LHFPL5: variants seen among roughly 807,000 people sequenced by gnomAD.
LHFPL5 encodes LHFPL tetraspan subfamily member 5 protein.
In LHFPL5, 12 loss-of-function variants were observed where a neutral mutation model predicts 18.7. That is an observed-to-expected ratio of 0.64 (90% confidence interval 0.41 to 1.04). LHFPL5 has a LOEUF of 1.04. Ranked by LOEUF, LHFPL5 falls within the 50% of genes least tolerant of loss-of-function variation. LHFPL5 has a pLI of 0.00. For missense variants in LHFPL5, 259 were observed against 292.1 expected, an observed-to-expected ratio of 0.89 and a Z score of 0.83; for synonymous variants, 111 against 120.2, an observed-to-expected ratio of 0.92 and a Z score of 0.50.
At chr6:35,818,351 A>ATATATATATT (rs1768805129) in intron 2 of LHFPL5, among the ~76,000 whole-genome samples, 1 of 106,926 alleles carries the variant, frequency 9.4e-6, no homozygotes, top group African/African-American at 3.8e-5. Context: ...ATATATATGT[A>ATATATATATT]TTTTTTTTTT....
chr6:35,807,495 G>A (rs1364982152), intron 1 of LHFPL5, among the ~76,000 whole-genome samples: 2 of 152,096 alleles, frequency 1.3e-5, no homozygotes, highest in African/African-American at 4.8e-5. Flanking sequence ...GCCACAAACT[G>A]TCCATGTCGG....
chr6:35,816,345 CA>C (rs761580974), intron 2 of LHFPL5, among the ~76,000 whole-genome samples: 132 of 77,624 alleles, frequency 1.7e-3, no homozygotes, highest in South Asian at 4.1e-3. Flanking sequence ...GACTCCGTCT[CA>C]AAAAAAAAAA....
chr6:35,821,162 G>T (rs1351090654), intron 3 of LHFPL5, among the ~76,000 whole-genome samples: 1 of 152,028 alleles, frequency 6.6e-6, no homozygotes. Context: ...AAATTAGCTG[G>T]GTGTGGTGGC....
In LHFPL5 at chr6:35,820,453, C is replaced by G. The variant is rs568848937; in HGVS notation, c.*16+990C>G. ...CGGTGACTCACGCCTGTAATCCCAG[C>G]ACTTTGGGAGGCTGAGGTGGGCGGA... On this transcript the variant is annotated intron_variant, in intron 3 of 3. Coordinates refer to ENST00000360215, the MANE Select transcript of LHFPL5 (RefSeq NM_182548.4). 2.6e-5 allele frequency among the ~76,000 whole-genome samples: 4 copies of G among 152,118 alleles called. No homozygotes were observed. In the East Asian group the frequency reaches 7.7e-4, roughly 29 times the overall value.
At chr6:35,818,135 G>A (rs1206643092) in intron 2 of LHFPL5, among the ~76,000 whole-genome samples, 13 of 152,014 alleles carry the variant, frequency 8.6e-5, no homozygotes, top group African/African-American at 3.1e-4. Flanking sequence ...GTATATCTGT[G>A]ATTCAATTTC....
intron 1 of LHFPL5, among the ~76,000 whole-genome samples, chr6:35,809,887 C>T (rs545487593): frequency 1.3e-4 from 20 of 152,344 alleles, no homozygotes; most frequent in Non-Finnish European, 2.6e-4. Context: ...ACAAGCTGGG[C>T]TTGAAATCCA....
chr6:35,806,557 T>C (rs1768571835), intron 1 of LHFPL5, among the ~76,000 whole-genome samples: 1 of 152,156 alleles, frequency 6.6e-6, no homozygotes, highest in African/African-American at 2.4e-5. Flanking sequence ...TGGGCTTTTG[T>C]TCTTTTTAAG....
chr6:35,805,939 C>G lies in LHFPL5; in HGVS notation c.269C>G (p.Pro90Arg). Residue 90 changes from proline to arginine, a missense_variant, in exon 1 of 4, where the codon CCC becomes CGC. By Grantham distance (103) the Pro-to-Arg change is moderately radical. Coordinates refer to ENST00000360215, the MANE Select transcript of LHFPL5 (RefSeq NM_182548.4). The surrounding 1 kb of genome is among the most constrained non-coding windows in gnomAD (Gnocchi z 4.3). ...GGCCCCCTAGACTTCTCCTCCATCC[C>G]CTCTAGAGCCTTCAAGACTGCCATG... is the stretch of plus-strand genomic sequence containing the variant. ...KGGPLDFSSI[P>R]SRAFKTAMFF... 8 of 1,614,254 alleles carry G rather than the reference C, an allele frequency of 5.0e-6. No homozygotes were observed. Among genetic ancestry groups the G allele is most frequent in the Non-Finnish European group, 5.9e-6 (7 of 1,180,050 alleles).
At chr6:35,816,392 A>G (rs1393352743) in intron 2 of LHFPL5, among the ~76,000 whole-genome samples, 1 of 151,810 alleles carries the variant, frequency 6.6e-6, no homozygotes, top group Non-Finnish European at 1.5e-5. Flanking sequence ...ACAAATTACT[A>G]GAAAGAGCTG....
At chr6:35,817,307 C>T (rs529737922) in intron 2 of LHFPL5, among the ~76,000 whole-genome samples, 204 of 150,864 alleles carry the variant, frequency 1.4e-3, no homozygotes, top group African/African-American at 3.7e-3. Context: ...GGCAACAGAG[C>T]GAGACTCAAT....
At position 35,805,372 on chromosome 6, in the gene LHFPL5, A is replaced by C; in HGVS notation, c.-299A>C. Reference sequence around the variant, plus strand: ...GGGCTCTCGGGAGCCGTGAGCCGGGAAGAGGGAGACGGGCAGGGCGGCGCC... The same window carrying C: ...GGGCTCTCGGGAGCCGTGAGCCGGGCAGAGGGAGACGGGCAGGGCGGCGCC... On this transcript the variant is annotated 5_prime_UTR_variant, in exon 1 of 4. Transcript: ENST00000360215. The surrounding 1 kb of genome is among the most constrained non-coding windows in gnomAD (Gnocchi z 4.3). 2.6e-6 allele frequency: 1 copy of C among 386,636 alleles called. No individual in the cohort carries two copies. Among genetic ancestry groups the C allele is most frequent in the Non-Finnish European group, 4.8e-6 (1 of 207,864 alleles). The allele number at this position is 386,636 out of a possible 1,614,324, so 24.0% of individuals were successfully genotyped here. A position where few individuals can be genotyped will look rare whatever the true frequency, so the allele number is the denominator to read the frequency against.
rs57581979 is a variant in LHFPL5 at position 35,823,477 on chromosome 6, A to ACTCTCTCTCTCT, written c.*516_*527dup. On this transcript the variant is annotated 3_prime_UTR_variant, in exon 4 of 4. Transcript: ENST00000360215. The stretch of plus-strand genomic sequence containing the variant: ...CACACACACACACACACACACACAC[A>ACTCTCTCTCTCT]CTCTCTCTCTCTCTCAAACACACAC... 1.8e-4 allele frequency: 25 copies of ACTCTCTCTCTCT among 140,846 alleles called. 1 individual carries two copies. Among genetic ancestry groups the ACTCTCTCTCTCT allele is most frequent in the South Asian group, 1.6e-3 (7 of 4,402 alleles). The allele number at this position is 140,846 out of a possible 1,614,324, so 8.7% of individuals were successfully genotyped here.
In LHFPL5 at chr6:35,814,166, T is replaced by A. The variant is rs986242961; in HGVS notation, c.413-380T>A. Among the ~76,000 whole-genome samples the A allele has an allele frequency of 9.9e-5, 15 of 152,204 alleles. No homozygotes were observed. The highest frequency in any genetic ancestry group is 2.2e-4 in the Non-Finnish European group (15 of 68,026). ...GAAGAAATGTACATCTCAGCAGTGA[T>A]GAGTTCTTTGGGCTGGGACTAGATA... On this transcript the variant is annotated intron_variant, in intron 1 of 3. Coordinates refer to ENST00000360215, the MANE Select transcript of LHFPL5 (RefSeq NM_182548.4). This position sits in a 1 kb window ranked among gnomAD's most constrained non-coding sequence, Gnocchi z 4.2.
At position 35,805,474 on chromosome 6, in the gene LHFPL5, A is replaced by G; in HGVS notation, c.-197A>G. 1 of 607,366 alleles carries G rather than the reference A, an allele frequency of 1.6e-6. No individual in the cohort carries two copies. The highest frequency in any genetic ancestry group is 2.9e-6 in the Non-Finnish European group (1 of 341,180). 37.6% of individuals were successfully genotyped at this position (607,366 alleles called of 1,614,324 possible). ...CTAGAGCGGACACAGGCACCTGGCAAGCTTTCCTTGACCAAATCAAGGTTG... is the reference window on the plus strand; with the variant it reads ...CTAGAGCGGACACAGGCACCTGGCAGGCTTTCCTTGACCAAATCAAGGTTG... On this transcript the variant is annotated 5_prime_UTR_variant, in exon 1 of 4. Coordinates refer to ENST00000360215, the MANE Select transcript of LHFPL5 (RefSeq NM_182548.4). The surrounding 1 kb of genome is among the most constrained non-coding windows in gnomAD (Gnocchi z 4.3).
At chr6:35,813,239 A>ATTTT (rs35884324) in intron 1 of LHFPL5, among the ~76,000 whole-genome samples, 42 of 56,324 alleles carry the variant, frequency 7.5e-4, no homozygotes, top group African/African-American at 1.6e-3. Context: ...AGGAACTAGC[A>ATTTT]TTTTTTTTTT....
At chr6:35,822,144 C>T (rs1768879613) in intron 3 of LHFPL5, among the ~76,000 whole-genome samples, 1 of 152,026 alleles carries the variant, frequency 6.6e-6, no homozygotes, top group Admixed American at 6.6e-5. Context: ...CTGCCTTAGC[C>T]TCCCAAAGTG....
chr6:35,819,599 C>A, intron 3 of LHFPL5, 136 bp downstream of exon 3: 3 of 805,762 alleles, frequency 3.7e-6, no homozygotes, highest in South Asian at 1.5e-5. Flanking sequence ...GAGAGAGGAC[C>A]AACACCCCAC....
intron 1 of LHFPL5, among the ~76,000 whole-genome samples, chr6:35,808,570 T>G (rs1386827521): frequency 2.9e-5 from 1 of 34,770 alleles, no homozygotes; most frequent in Non-Finnish European, 4.9e-5. Flanking sequence ...TATACATATA[T>G]ATATATATAT....
At position 35,823,481 on chromosome 6, in the gene LHFPL5, T is replaced by TCTCTCTCC. The variant is rs1768917637; in HGVS notation, c.*523_*524insCCTCTCTC. 1 of 147,988 alleles carries TCTCTCTCC rather than the reference T, an allele frequency of 6.8e-6. No homozygotes were observed. The highest frequency in any genetic ancestry group is 1.5e-5 in the Non-Finnish European group (1 of 67,026). The allele number at this position is 147,988 out of a possible 1,614,324, so 9.2% of individuals were successfully genotyped here. ...CACACACACACACACACACACACTCTCTCTCTCTCTCAAACACACACAAAT... is the reference window on the plus strand; with the variant it reads ...CACACACACACACACACACACACTCTCTCTCTCCCTCTCTCTCTCAAACACACACAAAT... On this transcript the variant is annotated 3_prime_UTR_variant, in exon 4 of 4. Coordinates refer to ENST00000360215, the MANE Select transcript of LHFPL5 (RefSeq NM_182548.4).
Sources: allele counts gnomAD v4.1 joint callset (sites outside exome capture counted in the v4.1 genomes callset), GRCh38; gene constraint gnomAD v4.1.1; non-coding constraint Gnocchi (gnomAD v3.1); transcripts MANE v1.5; gene names NCBI Gene and HGNC (gene_info 2026-07-23, HGNC 2026-07-21).